The following HNRNPR variants were observed in gnomAD, a reference collection of about 807,000 sequenced individuals.
HNRNPR encodes the protein heterogeneous nuclear ribonucleoprotein R.
Under a neutral mutation model 70.3 loss-of-function variants are expected in HNRNPR, and 4 were observed. The ratio of observed to expected loss-of-function variants is 0.06; its 90% CI spans 0.03 to 0.13. The LOEUF (loss-of-function observed/expected upper bound fraction) is 0.13. Among genes scored for constraint, HNRNPR ranks in the 10% least tolerant of loss-of-function variants. The probability of loss-of-function intolerance (pLI) is 1.00; values close to 1 mark genes in which losing one functional copy is unlikely to be tolerated. For synonymous variants in HNRNPR, 241 were observed against 267.6 expected (o/e 0.90, Z 0.97); for missense variants, 423 against 788.5 (o/e 0.54, Z 5.55).
At chr1:23,329,135 TA>T (rs985998625) in intron 5 of HNRNPR, among the ~76,000 whole-genome samples, 32 of 152,124 alleles carry the variant, frequency 2.1e-4, no homozygotes, top group African/African-American at 7.5e-4. Context: ...TAAATAAATA[TA>T]GAAGAAACAT....
At chr1:23,334,006 C>T (rs185711980) in intron 4 of HNRNPR, among the ~76,000 whole-genome samples, 82 of 152,122 alleles carry the variant, frequency 5.4e-4, no homozygotes, top group African/African-American at 1.8e-3. Context: ...CTCTGCCTCC[C>T]GGGTCTAAGA....
chr1:23,332,141 G>T (rs1032586472), intron 5 of HNRNPR, among the ~76,000 whole-genome samples: 1 of 152,040 alleles, frequency 6.6e-6, no homozygotes, highest in African/African-American at 2.4e-5. Flanking sequence ...AGAGAGGGGA[G>T]AGGGGAGAGG....
rs1391698978 is a variant in HNRNPR, at chr1:23,307,976, A to G, written c.*2478T>C. The G allele has an allele frequency of 6.6e-6, 1 of 151,956 alleles. No individual in the cohort carries two copies. Among genetic ancestry groups the G allele is most frequent in the East Asian group, 1.9e-4 (1 of 5,200 alleles). The allele number at this position is 151,956 out of a possible 1,614,324, so 9.4% of individuals were successfully genotyped here. On this transcript the variant is annotated 3_prime_UTR_variant, in exon 11 of 11. Transcript: ENST00000302271. Reference sequence around the variant, plus strand: ...CTCAACTGACATTTTTCAGGTTTATATATTACACTGTTAGATTTATTTATG... The same window carrying G: ...CTCAACTGACATTTTTCAGGTTTATGTATTACACTGTTAGATTTATTTATG...
Position 23,310,148 on chromosome 1 carries a change from T to G in HNRNPR, c.*306A>C, listed in dbSNP as rs141955499. 200 of 221,434 alleles carry G rather than the reference T, an allele frequency of 9.0e-4. 3 individuals carry two copies. The highest frequency in any genetic ancestry group is 4.1e-3 in the African/African-American group (181 of 43,716). The allele number at this position is 221,434 out of a possible 1,614,324, so 13.7% of individuals were successfully genotyped here. A position where few individuals can be genotyped will look rare whatever the true frequency, so the allele number is the denominator to read the frequency against. On this transcript the variant is annotated 3_prime_UTR_variant, in exon 11 of 11. Coordinates refer to ENST00000302271, the MANE Select transcript of HNRNPR (RefSeq NM_005826.5). The surrounding 1 kb of genome is among the most constrained non-coding windows in gnomAD (Gnocchi z 6.0). Reference sequence around the variant, plus strand: ...TGAAACTGTCCAAAACCAAAGGTTCTGCAAAATCATGATTTAACAGTGTGC... The same window carrying G: ...TGAAACTGTCCAAAACCAAAGGTTCGGCAAAATCATGATTTAACAGTGTGC...
rs116232386 is a variant in HNRNPR at position 23,343,363 on chromosome 1, G to A, written c.-10+848C>T. Among the ~76,000 whole-genome samples, 1,403 of 152,292 alleles carry A rather than the reference G, an allele frequency of 9.2e-3. 8 individuals carry two copies. Among genetic ancestry groups the A allele is most frequent in the Admixed American group, 0.015 (235 of 15,292 alleles). On this transcript the variant is annotated intron_variant, in intron 1 of 10. Transcript: ENST00000302271. ...GACTAACGGTTATCTCATGGCTTAG[G>A]AGTGTCGAGCTCTCATCCTACGACT...
Position 23,307,837 on chromosome 1 carries a change from G to A in HNRNPR, c.*2617C>T, listed in dbSNP as rs1645226061. ...CTCATAAATAAAGCCAAATCAATTAGCTTGGGGAACAAAAAAGATGGAAAG... is the reference window on the plus strand; with the variant it reads ...CTCATAAATAAAGCCAAATCAATTAACTTGGGGAACAAAAAAGATGGAAAG... On this transcript the variant is annotated 3_prime_UTR_variant, in exon 11 of 11. Transcript: ENST00000302271. 6.6e-6 allele frequency: 1 copy of A among 151,228 alleles called. No individual in the cohort carries two copies. 9.4% of individuals were successfully genotyped at this position (151,228 alleles called of 1,614,324 possible).
rs1645225178 is a variant in HNRNPR, at chr1:23,307,786, C to T, written c.*2668G>A. On this transcript the variant is annotated 3_prime_UTR_variant, in exon 11 of 11. Coordinates refer to ENST00000302271, the MANE Select transcript of HNRNPR (RefSeq NM_005826.5). ...AATAGCTCTATACCTCAATATATTT[C>T]CCAACACACACTTTACTGTAACAGG... 6.6e-6 allele frequency: 1 copy of T among 151,918 alleles called. No individual in the cohort carries two copies. Among genetic ancestry groups the T allele is most frequent in the African/African-American group, 2.4e-5 (1 of 41,386 alleles). 9.4% of individuals were successfully genotyped at this position (151,918 alleles called of 1,614,324 possible).
intron 4 of HNRNPR, 59 bp downstream of exon 4, chr1:23,337,695 A>C: frequency 1.1e-6 from 1 of 945,330 alleles, no homozygotes; most frequent in Non-Finnish European, 1.7e-6. Context: ...ACATGGAAAG[A>C]GGCATTTGAC....
At chr1:23,326,772 TGA>T (rs1489777711) in intron 5 of HNRNPR, among the ~76,000 whole-genome samples, 2 of 152,044 alleles carry the variant, frequency 1.3e-5, no homozygotes, top group Non-Finnish European at 2.9e-5. Flanking sequence ...GTGACAAGAG[TGA>T]AACTGTCTCA....
In HNRNPR at chr1:23,311,470, A is replaced by T. The variant is rs1480251156; in HGVS notation, c.1168-148T>A. 16 of 596,948 alleles carry T rather than the reference A, an allele frequency of 2.7e-5. No homozygotes were observed. In the East Asian group the frequency reaches 4.6e-4, roughly 17 times the overall value. 37.0% of individuals were successfully genotyped at this position (596,948 alleles called of 1,614,324 possible). A position where few individuals can be genotyped will look rare whatever the true frequency, so the allele number is the denominator to read the frequency against. On this transcript the variant is annotated intron_variant, in intron 9 of 10. Coordinates refer to ENST00000302271, the MANE Select transcript of HNRNPR (RefSeq NM_005826.5). Reference sequence around the variant, plus strand: ...AATGGCAAAAGGTGAATCTAGCCAGAAAGTTAAACACAAACACACAAAGAA... The same window carrying T: ...AATGGCAAAAGGTGAATCTAGCCAGTAAGTTAAACACAAACACACAAAGAA...
intron 8 of HNRNPR, among the ~76,000 whole-genome samples, chr1:23,317,906 GGA>G (rs753511509): frequency 2.6e-5 from 4 of 151,906 alleles, no homozygotes; most frequent in Non-Finnish European, 5.9e-5. Context: ...CTTGAACCTG[GGA>G]GGTGGAGGTT....
intron 2 of HNRNPR, 45 bp downstream of exon 2, chr1:23,340,807 C>A: frequency 2.7e-6 from 4 of 1,470,572 alleles, no homozygotes; most frequent in Non-Finnish European, 3.7e-6. Context: ...AAGTGGTTTG[C>A]CCTCACTTTC....
At position 23,310,428 on chromosome 1, in the gene HNRNPR, A is replaced by C. The variant is rs756205922; in HGVS notation, c.*26T>G. ...GATCTAGAGCCAATCGTATCTTGCC[A>C]GTATCATTTTCAAGCCCTTACTTGT... On this transcript the variant is annotated 3_prime_UTR_variant, in exon 11 of 11. Coordinates refer to ENST00000302271, the MANE Select transcript of HNRNPR (RefSeq NM_005826.5). The surrounding 1 kb of genome is among the most constrained non-coding windows in gnomAD (Gnocchi z 6.0). 2.6e-6 allele frequency: 4 copies of C among 1,541,294 alleles called. No homozygotes were observed. Among genetic ancestry groups the C allele is most frequent in the African/African-American group, 1.4e-5 (1 of 72,574 alleles).
In HNRNPR at chr1:23,311,642, CCA is replaced by C. The variant is rs1645341438; in HGVS notation, c.1168-322_1168-321del. 3.9e-4 allele frequency: 78 copies of C among 197,534 alleles called. No individual in the cohort carries two copies. In the Admixed American group the frequency reaches 4.3e-3, roughly 11 times the overall value. 12.2% of individuals were successfully genotyped at this position (197,534 alleles called of 1,614,324 possible). A position where few individuals can be genotyped will look rare whatever the true frequency, so the allele number is the denominator to read the frequency against. On this transcript the variant is annotated intron_variant, in intron 9 of 10. Coordinates refer to ENST00000302271, the MANE Select transcript of HNRNPR (RefSeq NM_005826.5). Reference sequence around the variant, plus strand: ...ATAACTCCTTAAAAGATAAGCCATACCAAAGAAGCAAATCCATACCGGGGAAA... The same window carrying C: ...ATAACTCCTTAAAAGATAAGCCATACAAGAAGCAAATCCATACCGGGGAAA...
At chr1:23,329,700 C>G (rs1646138879) in intron 5 of HNRNPR, among the ~76,000 whole-genome samples, 3 of 152,240 alleles carry the variant, frequency 2.0e-5, no homozygotes, top group Admixed American at 2.0e-4. Context: ...GGCACAATAA[C>G]AGCTCACTGT....
In HNRNPR at chr1:23,306,709, T is replaced by G. The variant is rs1004175580; in HGVS notation, c.*3745A>C. On this transcript the variant is annotated 3_prime_UTR_variant, in exon 11 of 11. Transcript: ENST00000302271. The stretch of plus-strand genomic sequence containing the variant: ...ACTTTTCTAGAAGGATTAACAATAA[T>G]TAACTTCAAATTAAATATTATTAAA... The G allele has an allele frequency of 3.3e-5, 5 of 152,190 alleles. No individual in the cohort carries two copies. Among genetic ancestry groups the G allele is most frequent in the Admixed American group, 1.3e-4 (2 of 15,288 alleles). 9.4% of individuals were successfully genotyped at this position (152,190 alleles called of 1,614,324 possible). A position where few individuals can be genotyped will look rare whatever the true frequency, so the allele number is the denominator to read the frequency against.
At chr1:23,332,433 T>G (rs1570067998) in intron 5 of HNRNPR, among the ~76,000 whole-genome samples, 1 of 148,668 alleles carries the variant, frequency 6.7e-6, no homozygotes. Context: ...CCAGGCGCGG[T>G]GGCTCACGCC....
In HNRNPR at chr1:23,321,329, T is replaced by C. The variant is rs556820718; in HGVS notation, c.811+199A>G. Among the ~76,000 whole-genome samples the C allele has an allele frequency of 2.7e-4, 41 of 151,976 alleles. No homozygotes were observed. In the Middle Eastern group the frequency reaches 0.02, roughly 76 times the overall value. ...CCAAGGTTCAATTAAGACAAAGAAGTGAAGGGGACATTCCAAGAAATGAAG... is the reference window on the plus strand; with the variant it reads ...CCAAGGTTCAATTAAGACAAAGAAGCGAAGGGGACATTCCAAGAAATGAAG... On this transcript the variant is annotated intron_variant, in intron 7 of 10. Coordinates refer to ENST00000302271, the MANE Select transcript of HNRNPR (RefSeq NM_005826.5).
In HNRNPR at chr1:23,322,867, T is replaced by C. The variant is rs1422487127; in HGVS notation, c.675+689A>G. The stretch of plus-strand genomic sequence containing the variant: ...TTTAAGATACTGAGATAGCTGTGTC[T>C]TAAATACAGCAGGAGTGAAGATACA... On this transcript the variant is annotated intron_variant, in intron 6 of 10. Coordinates refer to ENST00000302271, the MANE Select transcript of HNRNPR (RefSeq NM_005826.5). 2.0e-5 allele frequency among the ~76,000 whole-genome samples: 3 copies of C among 152,312 alleles called. No individual in the cohort carries two copies. In the South Asian group the frequency reaches 6.2e-4, roughly 32 times the overall value.
Sources: gnomAD v4.1 joint callset for allele counts (sites outside exome capture counted in the v4.1 genomes callset) on GRCh38, gnomAD v4.1.1 for gene constraint, Gnocchi (gnomAD v3.1) non-coding constraint, MANE v1.5 for transcripts, NCBI Gene and HGNC (gene_info 2026-07-23, HGNC 2026-07-21) for gene names.